C16orf74: variants seen among roughly 807,000 people sequenced by gnomAD.
C16orf74 encodes uncharacterized protein C16orf74.
C16orf74 carries 10 observed loss-of-function variants against 6.5 expected under a neutral mutation model. That is an observed-to-expected ratio of 1.54 (90% CI 0.95 to 2.61). The LOEUF is 2.61. Ranked by LOEUF, C16orf74 falls within the 30% of genes most tolerant of loss-of-function variation. The pLI, the probability that C16orf74 is intolerant of heterozygous loss-of-function variation, is 0.00. For synonymous variants in C16orf74, 60 were observed against 42.5 expected, an observed-to-expected ratio of 1.41 and a Z score of -1.60; for missense variants, 141 against 105.9, an observed-to-expected ratio of 1.33 and a Z score of -1.45.
intron 2 of C16orf74, among the ~76,000 whole-genome samples, chr16:85,716,019 G>T (rs1216683139): frequency 2.1e-5 from 3 of 146,156 alleles, no homozygotes; most frequent in African/African-American, 8.4e-5. Flanking sequence ...ATGATCGGAG[G>T]CCCCCGACAA....
At chr16:85,737,916 C>T (rs1474127525) in intron 1 of C16orf74, among the ~76,000 whole-genome samples, 4 of 151,554 alleles carry the variant, frequency 2.6e-5, no homozygotes, top group East Asian at 1.9e-4. Flanking sequence ...TGTGGCCTAA[C>T]GCAAATTTGT....
rs937138616 is a variant in C16orf74, at chr16:85,750,999, T to TGGC, written c.-95_-93dup. On this transcript the variant is annotated 5_prime_UTR_variant, in exon 1 of 4. Transcript: ENST00000284245. ...AGGCCCGCCCGGGCGCTGGTGGTGG[T>TGGC]GGCGGCGGCGGTCGGGCTCGGGGGG... 6.7e-6 allele frequency: 1 copy of TGGC among 148,976 alleles called. No individual in the cohort carries two copies. The highest frequency in any genetic ancestry group is 2.5e-5 in the African/African-American group (1 of 40,678). The allele number at this position is 148,976 out of a possible 1,614,324, so 9.2% of individuals were successfully genotyped here.
chr16:85,749,594 T>C (rs2054413215), intron 1 of C16orf74, among the ~76,000 whole-genome samples: 1 of 152,254 alleles, frequency 6.6e-6, no homozygotes. Flanking sequence ...TGTTTCCTCA[T>C]CTTTAAAATG....
chr16:85,735,688 T>TC lies in C16orf74; in HGVS notation c.-18-454_-18-453insG, dbSNP rs1228854536. On this transcript the variant is annotated intron_variant, in intron 1 of 3. Coordinates refer to ENST00000284245, the MANE Select transcript of C16orf74 (RefSeq NM_206967.3). ...CATGTACCTCCCGTTCTAATGCTTT[T>TC]TTTTTTTCCCCTAATGCAGGTTCTT... is the stretch of plus-strand genomic sequence containing the variant. Among the ~76,000 whole-genome samples, 4 of 151,646 alleles carry TC rather than the reference T, an allele frequency of 2.6e-5. No individual in the cohort carries two copies. In the East Asian group the frequency reaches 7.7e-4, roughly 29 times the overall value.
intron 2 of C16orf74, among the ~76,000 whole-genome samples, chr16:85,713,870 G>A (rs576999193): frequency 6.6e-6 from 1 of 152,322 alleles, no homozygotes; most frequent in East Asian, 1.9e-4. Flanking sequence ...GACAGTGGGA[G>A]ACTGTGCCTG....
chr16:85,715,156 CAA>C (rs59013269), intron 2 of C16orf74, among the ~76,000 whole-genome samples: 140 of 125,458 alleles, frequency 1.1e-3, no homozygotes, highest in Admixed American at 1.0e-3. Flanking sequence ...GACTCCGTCT[CAA>C]AAAAAAAAAA....
Position 85,741,174 on chromosome 16 carries a change from G to A in C16orf74, c.-18-5939C>T, listed in dbSNP as rs530680764. Among the ~76,000 whole-genome samples the A allele has an allele frequency of 4.5e-4, 68 of 152,238 alleles. 3 individuals are homozygous for A. In the South Asian group the frequency reaches 0.014, roughly 31 times the overall value. On this transcript the variant is annotated intron_variant, in intron 1 of 3. Coordinates refer to ENST00000284245, the MANE Select transcript of C16orf74 (RefSeq NM_206967.3). The stretch of plus-strand genomic sequence containing the variant: ...TGGTCTCCCAGGGCAGGATGCGGGC[G>A]GCAGCATGTGCGTCAGATCGCGTTT...
intron 1 of C16orf74, among the ~76,000 whole-genome samples, chr16:85,740,906 C>T (rs1406732163): frequency 2.7e-5 from 4 of 150,394 alleles, no homozygotes; most frequent in African/African-American, 9.8e-5. Context: ...TAACTTAACT[C>T]TCAAATTGTT....
chr16:85,717,518 TG>T, intron 2 of C16orf74, among the ~76,000 whole-genome samples: 1 of 152,210 alleles, frequency 6.6e-6, no homozygotes, highest in Non-Finnish European at 1.5e-5. Flanking sequence ...GTGCCAGGTG[TG>T]GGGTGTGGGG....
intron 1 of C16orf74, among the ~76,000 whole-genome samples, chr16:85,741,360 G>A (rs1196931807): frequency 6.6e-6 from 1 of 152,148 alleles, no homozygotes; most frequent in Non-Finnish European, 1.5e-5. Context: ...CAATTTGAAA[G>A]ACCCCTACCT....
At chr16:85,735,506 A>C (rs410687) in intron 1 of C16orf74, among the ~76,000 whole-genome samples, 146,521 of 152,232 alleles carry the variant, frequency 0.96, 70,766 homozygotes, top group Non-Finnish European at 1. Context: ...TGGCTCTGTG[A>C]GGTCACTTGA....
chr16:85,708,520 C>T (rs992978439), intron 3 of C16orf74, among the ~76,000 whole-genome samples: 1 of 152,232 alleles, frequency 6.6e-6, no homozygotes, highest in African/African-American at 2.4e-5. Flanking sequence ...CCCAGCTCTT[C>T]TCCCACCTTG....
chr16:85,744,863 C>T (rs1159951938), intron 1 of C16orf74, among the ~76,000 whole-genome samples: 4 of 149,408 alleles, frequency 2.7e-5, no homozygotes, highest in African/African-American at 7.4e-5. Context: ...CTCCGTCAGC[C>T]GGGTGCAGTG....
intron 2 of C16orf74, among the ~76,000 whole-genome samples, chr16:85,727,656 C>CA (rs58077378): frequency 1.2e-4 from 18 of 150,846 alleles, no homozygotes; most frequent in Non-Finnish European, 2.2e-4. Flanking sequence ...ACTAAAAATG[C>CA]AAAAAAAATA....
intron 2 of C16orf74, among the ~76,000 whole-genome samples, chr16:85,732,833 C>T (rs562431299): frequency 6.6e-6 from 1 of 152,258 alleles, no homozygotes; most frequent in South Asian, 2.1e-4. Flanking sequence ...GATGGACAAG[C>T]CACACTCGGG....
rs1033545513 is a variant in C16orf74 at position 85,732,958 on chromosome 16, C to G, written c.28+2232G>C. Among the ~76,000 whole-genome samples, 7 of 152,266 alleles carry G rather than the reference C, an allele frequency of 4.6e-5. No homozygotes were observed. In the East Asian group the frequency reaches 1.4e-3, roughly 29 times the overall value. ...TGATCTGGCTGCCTGTGCTTTCACT[C>G]GTGAGGGGCCGAGGGTGGGTGGAGG... On this transcript the variant is annotated intron_variant, in intron 2 of 3. Coordinates refer to ENST00000284245, the MANE Select transcript of C16orf74 (RefSeq NM_206967.3).
chr16:85,709,574 A>C (rs2053947107), intron 3 of C16orf74, among the ~76,000 whole-genome samples: 1 of 151,888 alleles, frequency 6.6e-6, no homozygotes, highest in South Asian at 2.1e-4. Flanking sequence ...AGCTCAGTAA[A>C]TCTCTGCTCA....
chr16:85,728,923 G>A (rs941930887), intron 2 of C16orf74, among the ~76,000 whole-genome samples: 3 of 152,216 alleles, frequency 2.0e-5, no homozygotes, highest in East Asian at 1.9e-4. Context: ...CCCCCCGGAG[G>A]ATGTGTTGAA....
intron 2 of C16orf74, among the ~76,000 whole-genome samples, chr16:85,722,471 G>A (rs746178238): frequency 1.2e-4 from 19 of 152,202 alleles, no homozygotes; most frequent in Non-Finnish European, 2.5e-4. Flanking sequence ...TGGATTTGCA[G>A]CTCCAGGTAG....
Sources: allele counts gnomAD v4.1 joint callset (sites outside exome capture counted in the v4.1 genomes callset), GRCh38; gene constraint gnomAD v4.1.1; transcripts MANE v1.5; gene names NCBI Gene and HGNC (gene_info 2026-07-23, HGNC 2026-07-21).